ZNF385B: variants seen among roughly 807,000 people sequenced by gnomAD.
ZNF385B encodes zinc finger protein 385B, also known as zinc finger protein 533.
A neutral mutation model predicts 39.2 loss-of-function variants in ZNF385B; 23 were observed. The observed-to-expected ratio is 0.59, with a 90% CI of 0.42 to 0.83. The LOEUF (loss-of-function observed/expected upper bound fraction) is 0.83, where lower values mean the gene tolerates loss of function less well. ZNF385B is among the 40% of genes least tolerant of loss of function. The pLI is 0.00. For missense variants in ZNF385B, 552 were observed against 598.9 expected (o/e 0.92, Z 0.82); for synonymous variants, 205 against 222.6 (o/e 0.92, Z 0.70).
At chr2:179,707,243 T>A (rs1357258256) in intron 3 of ZNF385B, among the ~76,000 whole-genome samples, 3 of 152,182 alleles carry the variant, frequency 2.0e-5, no homozygotes, top group Non-Finnish European at 4.4e-5. Context: ...AGAGAGTCTA[T>A]TGTGGTGGCT....
chr2:179,696,326 C>CTTTTTTGTGTTTTTTTTTTTTTTTTT (rs1698746148), intron 3 of ZNF385B, among the ~76,000 whole-genome samples: 1 of 40,354 alleles, frequency 2.5e-5, no homozygotes, highest in Non-Finnish European at 4.1e-5. Context: ...CAAACTGGGA[C>CTTTTTTGTGTTTTTTTTTTTTTTTTT]TTTTTTTTTT....
intron 1 of ZNF385B, among the ~76,000 whole-genome samples, chr2:179,859,825 G>T (rs973008179): frequency 2.0e-5 from 3 of 152,082 alleles, no homozygotes; most frequent in African/African-American, 7.2e-5. Context: ...ACAGGGAAGG[G>T]GCAGCACATA....
At chr2:179,619,533 A>C (rs1690036846) in intron 3 of ZNF385B, among the ~76,000 whole-genome samples, 1 of 152,194 alleles carries the variant, frequency 6.6e-6, no homozygotes, top group Non-Finnish European at 1.5e-5. Context: ...CAAAACCTCT[A>C]GGGTTCCACA....
At chr2:179,700,940 A>G (rs982016488) in intron 3 of ZNF385B, among the ~76,000 whole-genome samples, 1 of 152,158 alleles carries the variant, frequency 6.6e-6, no homozygotes, top group East Asian at 1.9e-4. Flanking sequence ...CTTGACCGGG[A>G]AGGCGGAGCT....
intron 1 of ZNF385B, among the ~76,000 whole-genome samples, chr2:179,826,657 G>A (rs1389862371): frequency 6.6e-6 from 1 of 151,938 alleles, no homozygotes; most frequent in African/African-American, 2.4e-5. Flanking sequence ...GAACAGGTAG[G>A]TTTTGTTTCA....
At chr2:179,594,448 G>A (rs979656276) in intron 3 of ZNF385B, among the ~76,000 whole-genome samples, 7 of 152,106 alleles carry the variant, frequency 4.6e-5, no homozygotes, top group Non-Finnish European at 1.0e-4. Context: ...GTTACAGCAG[G>A]GAAGAGACTG....
At chr2:179,579,739 T>C (rs922437863) in intron 3 of ZNF385B, among the ~76,000 whole-genome samples, 1 of 152,152 alleles carries the variant, frequency 6.6e-6, no homozygotes, top group African/African-American at 2.4e-5. Context: ...ATGAATAGGA[T>C]TTGATATGTG....
chr2:179,537,610 G>A (rs1217335059), intron 4 of ZNF385B, among the ~76,000 whole-genome samples: 4 of 151,856 alleles, frequency 2.6e-5, no homozygotes, highest in African/African-American at 7.3e-5. Context: ...GTGTGGTGGC[G>A]TGCATCTGTA....
At chr2:179,467,494 A>C (rs2052199039) in intron 6 of ZNF385B, among the ~76,000 whole-genome samples, 1 of 152,220 alleles carries the variant, frequency 6.6e-6, no homozygotes, top group African/African-American at 2.4e-5. Context: ...AAGCCCAGAA[A>C]TACTGAGTAG....
intron 6 of ZNF385B, among the ~76,000 whole-genome samples, chr2:179,464,862 G>A (rs905147344): frequency 2.8e-4 from 42 of 151,880 alleles, no homozygotes; most frequent in African/African-American, 9.4e-4. Context: ...CTTTCCTATA[G>A]CTTCAACTAC....
intron 1 of ZNF385B, among the ~76,000 whole-genome samples, chr2:179,850,206 T>C (rs1195340049): frequency 6.6e-6 from 1 of 152,206 alleles, no homozygotes; most frequent in Admixed American, 6.5e-5. Flanking sequence ...TCTTTTTACA[T>C]ATCCCTCTCC....
intron 3 of ZNF385B, among the ~76,000 whole-genome samples, chr2:179,609,517 G>A (rs1490255996): frequency 6.6e-6 from 1 of 152,132 alleles, no homozygotes; most frequent in African/African-American, 2.4e-5. Flanking sequence ...TGGCTATTGT[G>A]AACAGTGGTG....
At position 179,443,283 on chromosome 2, in the gene ZNF385B, G is replaced by A. The variant is rs35165565; in HGVS notation, c.1428C>T (p.Ala476=). 1,520 of 1,612,562 alleles carry A rather than the reference G, an allele frequency of 9.4e-4. 13 individuals are homozygous for A. In the African/African-American group the frequency reaches 0.018, roughly 19 times the overall value. ...LLRPGHGPIR[A]TPASILFAPY ...GAGCAAAGAGGATGGAGGCAGGAGT[G>A]GCGCGGATGGGCCCATGCCCAGGCC... Residue 476 remains alanine, a synonymous_variant, in exon 10 of 10, where the codon GCC becomes GCT. Coordinates refer to ENST00000410066, the MANE Select transcript of ZNF385B (RefSeq NM_152520.6).
At chr2:179,751,581 C>G (rs557785524) in intron 3 of ZNF385B, among the ~76,000 whole-genome samples, 75 of 152,078 alleles carry the variant, frequency 4.9e-4, no homozygotes, top group Admixed American at 5.3e-4. Context: ...AATGTCCTGA[C>G]CCCAGAAGCC....
intron 3 of ZNF385B, among the ~76,000 whole-genome samples, chr2:179,685,324 T>G (rs1399272137): frequency 6.6e-6 from 1 of 152,228 alleles, no homozygotes; most frequent in Non-Finnish European, 1.5e-5. Context: ...ATCTTCATTC[T>G]CCAGACAGAT....
At chr2:179,452,805 C>A (rs553602324) in intron 6 of ZNF385B, among the ~76,000 whole-genome samples, 1 of 152,226 alleles carries the variant, frequency 6.6e-6, no homozygotes, top group African/African-American at 2.4e-5. Context: ...TAAACTTTTT[C>A]TGTACAGCCC....
intron 3 of ZNF385B, among the ~76,000 whole-genome samples, chr2:179,718,315 A>G (rs1700461291): frequency 6.7e-6 from 1 of 149,278 alleles, no homozygotes; most frequent in Non-Finnish European, 1.5e-5. Context: ...TTACTTTATA[A>G]TCAATGATAT....
At chr2:179,493,789 G>GTGTATA (rs1162190999) in intron 5 of ZNF385B, among the ~76,000 whole-genome samples, 1 of 113,266 alleles carries the variant, frequency 8.8e-6, no homozygotes, top group Non-Finnish European at 2.0e-5. Context: ...ATACACATAT[G>GTGTATA]TATACATATA....
At chr2:179,632,963 T>A (rs1348387333) in intron 3 of ZNF385B, among the ~76,000 whole-genome samples, 1 of 152,122 alleles carries the variant, frequency 6.6e-6, no homozygotes, top group Non-Finnish European at 1.5e-5. Flanking sequence ...AAGAAATGGA[T>A]AAATTCCTGG....
Sources: gnomAD v4.1 joint callset for allele counts (sites outside exome capture counted in the v4.1 genomes callset) on GRCh38, gnomAD v4.1.1 for gene constraint, MANE v1.5 for transcripts, NCBI Gene and HGNC (gene_info 2026-07-23, HGNC 2026-07-21) for gene names.